SLC35D4: variants seen among roughly 807,000 people sequenced by gnomAD.
SLC35D4 encodes UDP-N-acetylglucosamine transporter SLC35D4.
the SLC35D4 span, among the ~76,000 whole-genome samples, chr18:23,391,298 C>T: frequency 1.1e-4 from 16 of 151,726 alleles, no homozygotes; most frequent in African/African-American, 2.4e-4. Context: ...AGGCCCTGAA[C>T]GGAGCCAAAT....
the SLC35D4 span, among the ~76,000 whole-genome samples, chr18:23,311,896 C>A: frequency 1.3e-5 from 2 of 151,222 alleles, no homozygotes; most frequent in African/African-American, 4.9e-5. Flanking sequence ...CCTTTTGCAA[C>A]TTCTTAGACA....
the SLC35D4 span, among the ~76,000 whole-genome samples, chr18:23,404,992 C>CAAAAAAA: frequency 2.2e-5 from 1 of 44,478 alleles, no homozygotes; most frequent in Non-Finnish European, 4.5e-5. Flanking sequence ...GACTCCGTCT[C>CAAAAAAA]AAAAAAAAAA....
the SLC35D4 span, among the ~76,000 whole-genome samples, chr18:23,276,811 C>G: frequency 6.6e-6 from 1 of 152,306 alleles, no homozygotes; most frequent in East Asian, 1.9e-4. Context: ...CTCCCCTTGC[C>G]AGGAGTGGTA....
At chr18:23,321,258 T>C in the SLC35D4 span, among the ~76,000 whole-genome samples, 23 of 152,042 alleles carry the variant, frequency 1.5e-4, no homozygotes, top group African/African-American at 5.3e-4. Flanking sequence ...TTTTTGCGAT[T>C]TATTTATTTT....
chr18:23,288,560 G>GA, the SLC35D4 span, among the ~76,000 whole-genome samples: 1,370 of 141,592 alleles, frequency 9.7e-3, 13 homozygotes, highest in Non-Finnish European at 0.016. Flanking sequence ...TTGCCCCCCC[G>GA]CCCCAGGACT....
At chr18:23,378,392 C>T in the SLC35D4 span, among the ~76,000 whole-genome samples, 1 of 151,946 alleles carries the variant, frequency 6.6e-6, no homozygotes, top group Non-Finnish European at 1.5e-5. Context: ...ATCCAGCTGA[C>T]TCAGAGCAGT....
the SLC35D4 span, among the ~76,000 whole-genome samples, chr18:23,303,115 C>A: frequency 6.6e-6 from 1 of 152,234 alleles, no homozygotes; most frequent in African/African-American, 2.4e-5. Flanking sequence ...CCTGCCTGGG[C>A]TCTGAGAGCT....
the SLC35D4 span, among the ~76,000 whole-genome samples, chr18:23,400,723 T>C: frequency 6.6e-6 from 1 of 152,214 alleles, no homozygotes; most frequent in Non-Finnish European, 1.5e-5. Flanking sequence ...TCCAGCAGGA[T>C]ATAACATAAT....
chr18:23,313,449 T>G, the SLC35D4 span, among the ~76,000 whole-genome samples: 1 of 151,566 alleles, frequency 6.6e-6, no homozygotes, highest in Admixed American at 6.6e-5. Flanking sequence ...TACAAAGGAA[T>G]GCACTGGTGT....
chr18:23,249,826 T>A, the SLC35D4 span, among the ~76,000 whole-genome samples: 1 of 152,050 alleles, frequency 6.6e-6, no homozygotes, highest in Non-Finnish European at 1.5e-5. Context: ...TCTAGGGAGC[T>A]ACTCTGTGCT....
At chr18:23,436,558 T>C in the SLC35D4 span, among the ~76,000 whole-genome samples, 2 of 151,996 alleles carry the variant, frequency 1.3e-5, no homozygotes, top group East Asian at 3.9e-4. Flanking sequence ...TTTGGAAGGC[T>C]GAGGCATGCG....
At chr18:23,382,736 C>A in the SLC35D4 span, among the ~76,000 whole-genome samples, 1 of 152,362 alleles carries the variant, frequency 6.6e-6, no homozygotes, top group East Asian at 1.9e-4. Context: ...AGGGAACCCT[C>A]CAACTGCACA....
the SLC35D4 span, chr18:23,257,014 C>T: frequency 1.4e-4 from 80 of 571,336 alleles, no homozygotes; most frequent in African/African-American, 1.4e-3. Context: ...TGTGTGGTTC[C>T]GGGCAGCCCC....
At chr18:23,366,346 A>T in the SLC35D4 span, among the ~76,000 whole-genome samples, 1 of 152,206 alleles carries the variant, frequency 6.6e-6, no homozygotes, top group African/African-American at 2.4e-5. Context: ...TGAGGGGCCC[A>T]ATCCCCCACC....
chr18:23,287,247 C>T, the SLC35D4 span, among the ~76,000 whole-genome samples: 1 of 152,138 alleles, frequency 6.6e-6, no homozygotes, highest in Admixed American at 6.5e-5. Flanking sequence ...AACCCATATA[C>T]TCTCCTATCC....
At chr18:23,309,707 G>A in the SLC35D4 span, 2,103 of 1,614,012 alleles carry the variant, frequency 1.3e-3, 26 homozygotes, top group African/African-American at 0.023. Flanking sequence ...GGTCAGGATC[G>A]CATCAAACAG....
At chr18:23,278,871 G>A in the SLC35D4 span, among the ~76,000 whole-genome samples, 4 of 151,958 alleles carry the variant, frequency 2.6e-5, no homozygotes, top group Non-Finnish European at 4.4e-5. Context: ...AATATTAGCC[G>A]GGTGTGGTGG....
the SLC35D4 span, among the ~76,000 whole-genome samples, chr18:23,330,459 T>C: frequency 1.3e-5 from 2 of 152,164 alleles, no homozygotes; most frequent in Non-Finnish European, 2.9e-5. Context: ...AAAATTAAAG[T>C]CACAAGTTAA....
the SLC35D4 span, among the ~76,000 whole-genome samples, chr18:23,363,496 T>C: frequency 7.1e-6 from 1 of 141,822 alleles, no homozygotes; most frequent in Non-Finnish European, 1.5e-5. Flanking sequence ...TGCGTCAGCC[T>C]CCCGAGTAGC....
Sources: gnomAD v4.1 joint callset for allele counts (sites outside exome capture counted in the v4.1 genomes callset) on GRCh38, gnomAD v4.1.1 for gene constraint, MANE v1.5 for transcripts, NCBI Gene and HGNC (gene_info 2026-07-23, HGNC 2026-07-21) for gene names.